Variants in BTG4 observed in about 807,000 individuals in gnomAD.
The protein encoded by BTG4 is protein BTG4.
BTG4 carries 10 observed loss-of-function variants against 19.3 expected under a neutral mutation model. That is an observed-to-expected ratio of 0.52 (90% CI 0.32 to 0.88). The LOEUF (loss-of-function observed/expected upper bound fraction) is 0.88, where lower values mean the gene tolerates loss of function less well. Among genes scored for constraint, BTG4 ranks in the 40% least tolerant of loss-of-function variants. The probability of loss-of-function intolerance (pLI) is 0.04; values close to 1 mark genes in which losing one functional copy is unlikely to be tolerated. For missense variants in BTG4, 238 were observed against 281.9 expected, an observed-to-expected ratio of 0.84 and a Z score of 1.11; for synonymous variants, 91 against 95.7, an observed-to-expected ratio of 0.95 and a Z score of 0.29.
rs569213484 is a variant in BTG4, at chr11:111,472,948, T to C, written c.663-5267A>G. On this transcript the variant is annotated intron_variant, in intron 5 of 5. Transcript: ENST00000356018. ...CAGATAATAGCAAACATTTATTACC[T>C]TGCCATGTGCTACATGCCATGTTAT... Among the ~76,000 whole-genome samples, 147 of 152,316 alleles carry C rather than the reference T, an allele frequency of 9.7e-4. 1 individual carries two copies. The highest frequency in any genetic ancestry group is 3.4e-3 in the African/African-American group (142 of 41,582).
At chr11:111,392,160 T>A in the BTG4 span, among the ~76,000 whole-genome samples, 4 of 146,904 alleles carry the variant, frequency 2.7e-5, no homozygotes, top group Admixed American at 2.1e-4. Flanking sequence ...TCCCTTTTCC[T>A]GTGATTTTCT....
chr11:111,420,967 A>T, the BTG4 span, among the ~76,000 whole-genome samples: 1 of 152,224 alleles, frequency 6.6e-6, no homozygotes, highest in East Asian at 1.9e-4. Context: ...GGAAAGGGAC[A>T]CCTAGGCTAG....
chr11:111,487,021 T>C lies in BTG4; in HGVS notation c.662+8142A>G, dbSNP rs1482096082. Among the ~76,000 whole-genome samples, 5 of 152,058 alleles carry C rather than the reference T, an allele frequency of 3.3e-5. No individual in the cohort carries two copies. The East Asian group carries it at 9.7e-4, about 29-fold the overall frequency. On this transcript the variant is annotated intron_variant, in intron 5 of 5. Coordinates refer to the BTG4 transcript ENST00000356018. ...CCAGTGTATGTTGTTCCCCTCCCTG[T>C]GTCCACGTGTTCTCATTGTTCAGCT...
chr11:111,486,975 C>A (rs1198824305), intron 5 of BTG4, among the ~76,000 whole-genome samples: 1 of 152,056 alleles, frequency 6.6e-6, no homozygotes, highest in African/African-American at 2.4e-5. Context: ...CTCCCTCCCC[C>A]CGCCTCCTCC....
the BTG4 span, chr11:111,462,089 T>C: frequency 6.5e-6 from 1 of 152,702 alleles, no homozygotes; most frequent in Non-Finnish European, 1.5e-5. Flanking sequence ...GATTGCACAG[T>C]TTTCTCTTTG....
the BTG4 span, among the ~76,000 whole-genome samples, chr11:111,412,976 G>C: frequency 6.6e-6 from 1 of 152,184 alleles, no homozygotes; most frequent in Non-Finnish European, 1.5e-5. Flanking sequence ...TGTGACACTA[G>C]ACCAGAAGCA....
chr11:111,408,147 C>A, the BTG4 span, among the ~76,000 whole-genome samples: 6 of 152,350 alleles, frequency 3.9e-5, no homozygotes, highest in African/African-American at 1.2e-4. Flanking sequence ...AGATGCAAGT[C>A]CCAGAGGACA....
At chr11:111,501,472 T>G (rs573491820) in intron 1 of BTG4, among the ~76,000 whole-genome samples, 5 of 152,266 alleles carry the variant, frequency 3.3e-5, no homozygotes, top group African/African-American at 1.2e-4. Context: ...TTGAGAGGTA[T>G]AAGAAATGTA....
rs761523046 is a variant in BTG4, at chr11:111,495,322, A to T, written c.511-8T>A. The T allele has an allele frequency of 3.7e-6, 6 of 1,605,884 alleles. No individual in the cohort carries two copies. The East Asian group carries it at 1.1e-4, about 30-fold the overall frequency. Reference sequence around the variant, plus strand: ...CTGTTTCAAGTTTTCAACCTGGAAAAAAAAAGTATAAAGATCTCTAATAAG... The same window carrying T: ...CTGTTTCAAGTTTTCAACCTGGAAATAAAAAGTATAAAGATCTCTAATAAG... On this transcript the variant is annotated splice_polypyrimidine_tract_variant and splice_region_variant and intron_variant, in intron 4 of 4. Coordinates refer to ENST00000692032, the MANE Select transcript of BTG4 (RefSeq NM_001367975.1).
chr11:111,433,713 A>AAAAAC, the BTG4 span, among the ~76,000 whole-genome samples: 1 of 151,660 alleles, frequency 6.6e-6, no homozygotes, highest in African/African-American at 2.4e-5. Flanking sequence ...TTACAAGAAA[A>AAAAAC]AAACAACCCC....
chr11:111,431,064 G>A, the BTG4 span, among the ~76,000 whole-genome samples: 4 of 152,028 alleles, frequency 2.6e-5, no homozygotes, highest in East Asian at 1.9e-4. Context: ...AGTCAGTGAC[G>A]AAAGGGTTTG....
At chr11:111,473,004 T>C (rs1398608735) in intron 5 of BTG4, among the ~76,000 whole-genome samples, 1 of 152,066 alleles carries the variant, frequency 6.6e-6, no homozygotes, top group Non-Finnish European at 1.5e-5. Flanking sequence ...TCATCTCACT[T>C]AATCTTCTCA....
At chr11:111,481,825 A>C (rs1591475815) in intron 5 of BTG4, among the ~76,000 whole-genome samples, 1 of 152,008 alleles carries the variant, frequency 6.6e-6, no homozygotes, top group East Asian at 1.9e-4. Context: ...GAACTTCCTC[A>C]ATTTGATTTT....
the BTG4 span, among the ~76,000 whole-genome samples, chr11:111,461,169 A>G: frequency 7.2e-5 from 11 of 152,290 alleles, no homozygotes; most frequent in African/African-American, 2.6e-4. Flanking sequence ...GCCCCCATAC[A>G]TTCTCAGTCT....
intron 5 of BTG4, among the ~76,000 whole-genome samples, chr11:111,470,534 C>A (rs1863998801): frequency 6.6e-6 from 1 of 152,186 alleles, no homozygotes. Flanking sequence ...CTCATACTAA[C>A]TTTAGATGCC....
intron 3 of BTG4, 139 bp from the exon 4 acceptor site, chr11:111,497,548 A>C: frequency 2.0e-6 from 1 of 498,856 alleles, no homozygotes; most frequent in Non-Finnish European, 3.3e-6. Context: ...ACCTTCACCT[A>C]CTACACTGTT....
At chr11:111,408,064 T>C in the BTG4 span, among the ~76,000 whole-genome samples, 1 of 152,338 alleles carries the variant, frequency 6.6e-6, no homozygotes, top group East Asian at 1.9e-4. Context: ...CCCTCCACTC[T>C]GCACAGGCTT....
At chr11:111,464,259 A>C (rs1002764321), downstream of BTG4, among the ~76,000 whole-genome samples, 2 of 152,228 alleles carry the variant, frequency 1.3e-5, no homozygotes, top group African/African-American at 4.8e-5. Context: ...TCAGCCTCCC[A>C]AAATGCTGGC....
the BTG4 span, chr11:111,455,475 C>T: frequency 4.2e-6 from 1 of 236,192 alleles, no homozygotes; most frequent in South Asian, 5.6e-5. Context: ...TCGTCACCAA[C>T]TCAAGCTCCT....
Sources: allele counts gnomAD v4.1 joint callset (sites outside exome capture counted in the v4.1 genomes callset), GRCh38; gene constraint gnomAD v4.1.1; transcripts MANE v1.5; gene names NCBI Gene and HGNC (gene_info 2026-07-23, HGNC 2026-07-21).